PDE4B: variants seen among roughly 807,000 people sequenced by gnomAD.
PDE4B encodes the protein phosphodiesterase 4B.
In PDE4B, 20 loss-of-function variants were observed where a neutral mutation model predicts 82.2. That is an observed-to-expected ratio of 0.24 (90% CI 0.17 to 0.35). The LOEUF is 0.35. PDE4B is among the 10% of genes least tolerant of loss of function. The pLI is 1.00. For missense variants in PDE4B, 655 were observed against 907.2 expected, an observed-to-expected ratio of 0.72 and a Z score of 3.57; for synonymous variants, 320 against 318.9, an observed-to-expected ratio of 1.00 and a Z score of -0.04.
chr1:65,877,337 CG>C (rs908617237), intron 1 of PDE4B, among the ~76,000 whole-genome samples: 94 of 151,954 alleles, frequency 6.2e-4, no homozygotes, highest in Non-Finnish European at 4.3e-4. Flanking sequence ...TGCTGGGGGC[CG>C]GGTGCAGTGG....
intron 1 of PDE4B, among the ~76,000 whole-genome samples, chr1:65,841,549 G>T (rs1238281093): frequency 2.6e-5 from 4 of 152,014 alleles, no homozygotes; most frequent in African/African-American, 9.7e-5. Flanking sequence ...GCCAAAAACG[G>T]GTTATGAACC....
intron 7 of PDE4B, among the ~76,000 whole-genome samples, chr1:66,326,788 T>C (rs1659778273): frequency 6.6e-6 from 1 of 152,222 alleles, no homozygotes; most frequent in African/African-American, 2.4e-5. Context: ...TGGGTAATAT[T>C]GTGATGCTTT....
chr1:66,041,333 G>A (rs1654359300), intron 3 of PDE4B, among the ~76,000 whole-genome samples: 2 of 151,950 alleles, frequency 1.3e-5, no homozygotes, highest in African/African-American at 2.4e-5. Context: ...ATAATCAAAT[G>A]ATCACTTTCT....
At chr1:65,884,631 T>C (rs1322217568) in intron 1 of PDE4B, among the ~76,000 whole-genome samples, 1 of 152,176 alleles carries the variant, frequency 6.6e-6, no homozygotes, top group Non-Finnish European at 1.5e-5. Flanking sequence ...ATTTAATAAA[T>C]GGTGCTGGGA....
At chr1:65,833,068 A>G (rs79826559) in intron 1 of PDE4B, among the ~76,000 whole-genome samples, 1,542 of 152,312 alleles carry the variant, frequency 0.01, 10 homozygotes, top group Non-Finnish European at 0.016. Context: ...TGAGAAATAA[A>G]TGATTGCTGT....
chr1:66,152,475 A>G, intron 3 of PDE4B: 1 of 309,200 alleles, frequency 3.2e-6, no homozygotes, highest in Non-Finnish European at 7.4e-6. Flanking sequence ...TGTACTTTTT[A>G]ACACAGCATT....
At chr1:66,268,667 C>CAAAAAAA (rs36046564) in intron 7 of PDE4B, among the ~76,000 whole-genome samples, 10 of 61,206 alleles carry the variant, frequency 1.6e-4, no homozygotes, top group African/African-American at 5.1e-4. Flanking sequence ...GACTCCATCT[C>CAAAAAAA]AAAAAAAAAA....
chr1:66,216,346 G>T (rs1183202315), intron 3 of PDE4B, among the ~76,000 whole-genome samples: 1 of 151,824 alleles, frequency 6.6e-6, no homozygotes, highest in Non-Finnish European at 1.5e-5. Flanking sequence ...AACTCCTGAT[G>T]AATACAGTAT....
chr1:66,316,607 C>T (rs1446619422), intron 7 of PDE4B, among the ~76,000 whole-genome samples: 2 of 152,194 alleles, frequency 1.3e-5, no homozygotes, highest in Non-Finnish European at 2.9e-5. Flanking sequence ...TTCTACCTAG[C>T]CTGCACATTT....
chr1:65,929,553 G>C (rs187914370), intron 3 of PDE4B, among the ~76,000 whole-genome samples: 64 of 152,270 alleles, frequency 4.2e-4, no homozygotes, highest in Middle Eastern at 3.4e-3. Flanking sequence ...TTTCTCTATA[G>C]GAAATAAGAC....
At chr1:65,835,018 A>T (rs1646124850) in intron 1 of PDE4B, among the ~76,000 whole-genome samples, 1 of 152,208 alleles carries the variant, frequency 6.6e-6, no homozygotes, top group African/African-American at 2.4e-5. Context: ...ACCTCCATAA[A>T]GATACAGAAC....
chr1:66,169,109 A>T (rs1170531897), intron 3 of PDE4B, among the ~76,000 whole-genome samples: 1 of 152,218 alleles, frequency 6.6e-6, no homozygotes. Flanking sequence ...TTTCAGTATG[A>T]GTCATCTACA....
chr1:66,090,195 T>C (rs182118948), intron 3 of PDE4B, among the ~76,000 whole-genome samples: 2 of 152,074 alleles, frequency 1.3e-5, no homozygotes, highest in Admixed American at 1.3e-4. Flanking sequence ...CAAATGTATT[T>C]GTAGAATAGC....
At chr1:65,969,291 A>T (rs780179550) in intron 3 of PDE4B, among the ~76,000 whole-genome samples, 36 of 152,164 alleles carry the variant, frequency 2.4e-4, no homozygotes, top group Non-Finnish European at 4.6e-4. Context: ...GAGCTCTGAG[A>T]GGGTCTCACT....
At position 65,958,916 on chromosome 1, in the gene PDE4B, C is replaced by T. The variant is rs538447576; in HGVS notation, c.281+40081C>T. Among the ~76,000 whole-genome samples the T allele has an allele frequency of 4.6e-5, 7 of 152,240 alleles. No individual in the cohort carries two copies. In the East Asian group the frequency reaches 1.2e-3, roughly 25 times the overall value. ...TAAAACTTCTTTTGAAACAAATGTT[C>T]GTAACTGCATATCAGAAAAGTATTA... On this transcript the variant is annotated intron_variant, in intron 3 of 16. Coordinates refer to ENST00000341517, the MANE Select transcript of PDE4B (RefSeq NM_002600.4).
chr1:66,354,965 A>C, intron 8 of PDE4B: 11 of 1,324,220 alleles, frequency 8.3e-6, no homozygotes, highest in Non-Finnish European at 1.2e-5. Context: ...TTTTTTGTGA[A>C]GTACAGGACA....
At chr1:66,187,298 T>G (rs1043960948) in intron 3 of PDE4B, among the ~76,000 whole-genome samples, 1 of 151,942 alleles carries the variant, frequency 6.6e-6, no homozygotes, top group Non-Finnish European at 1.5e-5. Flanking sequence ...AATTCTCTTT[T>G]TTGGTTGTGT....
rs185330096 is a variant in PDE4B, at chr1:65,853,319, T to C, written c.-70-59926T>C. Among the ~76,000 whole-genome samples, 37 of 152,268 alleles carry C rather than the reference T, an allele frequency of 2.4e-4. 2 individuals carry two copies. The highest frequency in any genetic ancestry group is 8.2e-4 in the African/African-American group (34 of 41,582). On this transcript the variant is annotated intron_variant, in intron 1 of 16. Transcript: ENST00000341517. Reference sequence around the variant, plus strand: ...ATAAAGTTGGATCCTGCTCTTTATTTAAAGAAGTTTGTCAATCTCTGCATT... The same window carrying C: ...ATAAAGTTGGATCCTGCTCTTTATTCAAAGAAGTTTGTCAATCTCTGCATT...
intron 12 of PDE4B, among the ~76,000 whole-genome samples, chr1:66,364,572 G>A (rs1259681041): frequency 6.6e-6 from 1 of 152,152 alleles, no homozygotes; most frequent in Non-Finnish European, 1.5e-5. Flanking sequence ...AGTTTGGAAG[G>A]TGAAAAAAGA....
Sources: allele counts gnomAD v4.1 joint callset (sites outside exome capture counted in the v4.1 genomes callset), GRCh38; gene constraint gnomAD v4.1.1; transcripts MANE v1.5; gene names NCBI Gene and HGNC (gene_info 2026-07-23, HGNC 2026-07-21).